Variants in DNMT3A observed in about 807,000 individuals in gnomAD.
The protein encoded by DNMT3A is DNA (cytosine-5)-methyltransferase 3A.
Under a neutral mutation model 117.6 loss-of-function variants are expected in DNMT3A, and 267 were observed. That is an observed-to-expected ratio of 2.27 (90% CI 2.05 to 2.51). The LOEUF is 2.51. Among genes scored for constraint, DNMT3A ranks in the 30% most tolerant of loss-of-function variants. The pLI is 0.00. For synonymous variants in DNMT3A, 432 were observed against 474.8 expected (o/e 0.91, Z 1.17); for missense variants, 1,029 against 1,260.2 (o/e 0.82, Z 2.78).
intron 6 of DNMT3A, among the ~76,000 whole-genome samples, chr2:25,262,661 G>C (rs971430891): frequency 3.3e-5 from 5 of 152,146 alleles, no homozygotes; most frequent in Non-Finnish European, 7.3e-5. Context: ...TCCTCTCTCT[G>C]GGGAATACTT....
intron 19 of DNMT3A, among the ~76,000 whole-genome samples, chr2:25,239,851 C>T (rs1289158197): frequency 5.3e-5 from 8 of 152,214 alleles, no homozygotes; most frequent in Non-Finnish European, 7.3e-5. Flanking sequence ...CAGGGTTAAA[C>T]GGGGACTCAC....
chr2:25,256,966 C>T (rs900630728), intron 6 of DNMT3A, among the ~76,000 whole-genome samples: 1 of 152,174 alleles, frequency 6.6e-6, no homozygotes, highest in African/African-American at 2.4e-5. Flanking sequence ...GTCTCAGGAA[C>T]CTTATCCCAA....
At chr2:25,333,271 A>G (rs2035080671) in intron 1 of DNMT3A, among the ~76,000 whole-genome samples, 1 of 150,668 alleles carries the variant, frequency 6.6e-6, no homozygotes, top group Non-Finnish European at 1.5e-5. Context: ...TCTCAACTTG[A>G]TTATCTCTTC....
intron 6 of DNMT3A, among the ~76,000 whole-genome samples, chr2:25,269,782 G>A (rs983527936): frequency 1.8e-4 from 27 of 152,190 alleles, no homozygotes; most frequent in Non-Finnish European, 7.3e-5. Flanking sequence ...GCTCCAGCAG[G>A]AATTCTCACT....
chr2:25,333,632 C>T (rs562699439), intron 1 of DNMT3A, among the ~76,000 whole-genome samples: 2 of 152,274 alleles, frequency 1.3e-5, no homozygotes, highest in East Asian at 1.9e-4. Flanking sequence ...CACCTGGCCA[C>T]TTGCAGGGTC....
intron 6 of DNMT3A, among the ~76,000 whole-genome samples, chr2:25,259,134 G>C (rs1169643583): frequency 6.6e-6 from 1 of 152,208 alleles, no homozygotes; most frequent in Non-Finnish European, 1.5e-5. Context: ...TCAGGCTCTG[G>C]AGCTTTGGTG....
chr2:25,273,632 C>T (rs146269901), intron 6 of DNMT3A, among the ~76,000 whole-genome samples: 98 of 152,280 alleles, frequency 6.4e-4, no homozygotes, highest in African/African-American at 2.1e-3. Context: ...TTGTGCGTGG[C>T]GAGTTGATTT....
chr2:25,276,793 C>T (rs1410759173), intron 4 of DNMT3A, among the ~76,000 whole-genome samples: 2 of 152,266 alleles, frequency 1.3e-5, no homozygotes, highest in Admixed American at 1.3e-4. Context: ...CTAAGGCTGG[C>T]TCATGGTAGC....
At position 25,246,741 on chromosome 2, in the gene DNMT3A, C is replaced by T; in HGVS notation, c.1158G>A (p.Val386=). ...ASSRAGKLFP[V]CHDSDESDTA... is the part of the protein sequence containing the mutation. The stretch of plus-strand genomic sequence containing the variant: ...TGTCACTCTCATCGCTGTCGTGGCA[C>T]ACCGGGAACAGCTTCCCCGCGCGGC... Residue 386 remains valine (V), a synonymous_variant, in exon 10 of 23, where the codon GTG becomes GTA. Coordinates refer to ENST00000321117, the MANE Select transcript of DNMT3A (RefSeq NM_022552.5). 1 of 1,613,868 alleles carries T rather than the reference C, an allele frequency of 6.2e-7. No homozygotes were observed. The highest frequency in any genetic ancestry group is 8.5e-7 in the Non-Finnish European group (1 of 1,180,020).
chr2:25,244,483 G>C (rs1405400490), intron 14 of DNMT3A, 57 bp downstream of exon 14: 2 of 1,598,054 alleles, frequency 1.3e-6, no homozygotes, highest in Non-Finnish European at 1.7e-6. Context: ...GGAGGCGGTG[G>C]GCGGCGGGAG....
chr2:25,264,958 C>T (rs1243841920), intron 6 of DNMT3A, among the ~76,000 whole-genome samples: 1 of 152,178 alleles, frequency 6.6e-6, no homozygotes, highest in Non-Finnish European at 1.5e-5. Context: ...GGGGTCATCT[C>T]ATCTATTTCT....
rs2033674448 is a variant in DNMT3A, at chr2:25,304,351, G to A, written c.73-4108C>T. Among the ~76,000 whole-genome samples the A allele has an allele frequency of 6.6e-6, 1 of 152,166 alleles. No individual in the cohort carries two copies. The highest frequency in any genetic ancestry group is 2.4e-5 in the African/African-American group (1 of 41,430). ...TATAAGAATTAAATGAGGTGATGTA[G>A]CAAAAGCTGACACGTGATAGTCACT... On this transcript the variant is annotated intron_variant, in intron 2 of 22. Coordinates refer to ENST00000321117, the MANE Select transcript of DNMT3A (RefSeq NM_022552.5). The surrounding 1 kb of genome is among the most constrained non-coding windows in gnomAD (Gnocchi z 4.3).
chr2:25,274,755 G>GC (rs1419358479), intron 6 of DNMT3A, among the ~76,000 whole-genome samples, 186 bp downstream of exon 6: 1 of 152,234 alleles, frequency 6.6e-6, no homozygotes, highest in Non-Finnish European at 1.5e-5. Flanking sequence ...CTAGTACACA[G>GC]CCAGGTATAC....
Position 25,314,022 on chromosome 2 carries a change from G to T in DNMT3A, c.-38C>A, listed in dbSNP as rs763223656. On this transcript the variant is annotated 5_prime_UTR_variant, in exon 2 of 23. Coordinates refer to ENST00000321117, the MANE Select transcript of DNMT3A (RefSeq NM_022552.5). Reference sequence around the variant, plus strand: ...AGGCAGGCTGGGGCTGCGCGGGGCTGGGGGGCTGCTGGGCTTTGGGGAAGG... The same window carrying T: ...AGGCAGGCTGGGGCTGCGCGGGGCTTGGGGGCTGCTGGGCTTTGGGGAAGG... 2.7e-6 allele frequency: 4 copies of T among 1,503,112 alleles called. No homozygotes were observed. Among genetic ancestry groups the T allele is most frequent in the Non-Finnish European group, 2.7e-6 (3 of 1,126,328 alleles). The allele number at this position is 1,503,112 out of a possible 1,614,324, so 93.1% of individuals were successfully genotyped here.
chr2:25,320,659 A>G (rs1385803130), intron 1 of DNMT3A, among the ~76,000 whole-genome samples: 6 of 152,202 alleles, frequency 3.9e-5, no homozygotes, highest in Admixed American at 3.3e-4. Context: ...AAAAAAAACG[A>G]AAAGAAACTA....
Position 25,282,906 on chromosome 2 carries a change from CT to C in DNMT3A, c.178-196del. Reference sequence around the variant, plus strand: ...ATCAAAGGATTCCTGGGCTTGACCCCTTGAAATCACGAGTCTGTGGACTCCA... The same window carrying C: ...ATCAAAGGATTCCTGGGCTTGACCCCTGAAATCACGAGTCTGTGGACTCCA... On this transcript the variant is annotated intron_variant, in intron 3 of 22. Transcript: ENST00000321117. This position sits in a 1 kb window ranked among gnomAD's most constrained non-coding sequence, Gnocchi z 5.2. Among the ~76,000 whole-genome samples, 1 of 152,304 alleles carries C rather than the reference CT, an allele frequency of 6.6e-6. No individual in the cohort carries two copies. The highest frequency in any genetic ancestry group is 2.1e-4 in the South Asian group (1 of 4,826).
In DNMT3A at chr2:25,281,575, AG is replaced by A. The variant is rs1248288067; in HGVS notation, c.448+865del. On this transcript the variant is annotated intron_variant, in intron 4 of 22. Coordinates refer to ENST00000321117, the MANE Select transcript of DNMT3A (RefSeq NM_022552.5). This position sits in a 1 kb window ranked among gnomAD's most constrained non-coding sequence, Gnocchi z 4.8. ...ATTTCATCATACACGCTTGGAAGGA[AG>A]ACTTTTTGAAATTAAAATGCACATA... The A allele has an allele frequency of 9.4e-7, 1 of 1,063,314 alleles. No homozygotes were observed. The highest frequency in any genetic ancestry group is 1.1e-6 in the Non-Finnish European group (1 of 878,066). 65.9% of individuals were successfully genotyped at this position (1,063,314 alleles called of 1,614,324 possible).
rs1274074419 is a variant in DNMT3A, at chr2:25,247,109, TG to T, written c.1063del (p.His355ThrfsTer52). 1.9e-6 allele frequency: 3 copies of T among 1,613,904 alleles called. No homozygotes were observed. The highest frequency in any genetic ancestry group is 1.7e-5 in the Admixed American group (1 of 59,988). ...GGGCTGCTTGTTGTACGTGGCCTGG[TG>T]GAACGCACTGCAAAACGAGCTCAGC... ...MPLSSFCSAF[H>X]QATYNKQPMY... On this transcript the variant is annotated frameshift_variant, in exon 9 of 23. Transcript: ENST00000321117. LOFTEE classifies it high-confidence loss of function. This position sits in a 1 kb window ranked among gnomAD's most constrained non-coding sequence, Gnocchi z 5.6.
At position 25,339,549 on chromosome 2, in the gene DNMT3A, ACAGGC is replaced by A; in HGVS notation, c.-178+2272_-178+2276del. 6.6e-6 allele frequency among the ~76,000 whole-genome samples: 1 copy of A among 152,180 alleles called. No individual in the cohort carries two copies. The highest frequency in any genetic ancestry group is 1.5e-5 in the Non-Finnish European group (1 of 68,026). Reference sequence around the variant, plus strand: ...GGCAGGCAGGTGCCAGAGCTGCTGCACAGGCCAGCCTGGTCCCTCGCCTGGAGCCA... The same window carrying A: ...GGCAGGCAGGTGCCAGAGCTGCTGCACAGCCTGGTCCCTCGCCTGGAGCCA... On this transcript the variant is annotated intron_variant, in intron 1 of 22. Transcript: ENST00000321117. This position sits in a 1 kb window ranked among gnomAD's most constrained non-coding sequence, Gnocchi z 4.9.
Sources: gnomAD v4.1 joint callset for allele counts (sites outside exome capture counted in the v4.1 genomes callset) on GRCh38, gnomAD v4.1.1 for gene constraint, Gnocchi (gnomAD v3.1) non-coding constraint, MANE v1.5 for transcripts, NCBI Gene and HGNC (gene_info 2026-07-23, HGNC 2026-07-21) for gene names.